Variants in ATP8B1 observed in about 807,000 individuals in gnomAD.
ATP8B1 encodes phospholipid-transporting ATPase IC.
ATP8B1 carries 80 observed loss-of-function variants against 149.9 expected under a neutral mutation model. The observed-to-expected ratio is 0.53, with a 90% confidence interval of 0.45 to 0.64. The LOEUF is 0.64. Ranked by LOEUF, ATP8B1 falls within the 30% of genes least tolerant of loss-of-function variation. The pLI, the probability that ATP8B1 is intolerant of heterozygous loss-of-function variation, is 0.00. For missense variants in ATP8B1, 1,247 were observed against 1,552.6 expected (o/e 0.80, Z 3.31); for synonymous variants, 536 against 562.8 (o/e 0.95, Z 0.67).
intron 2 of ATP8B1, among the ~76,000 whole-genome samples, chr18:57,730,145 G>T (rs925788515): frequency 2.6e-5 from 4 of 151,710 alleles, no homozygotes; most frequent in Non-Finnish European, 5.9e-5. Context: ...TTGCAGAAAT[G>T]GGATTTCATG....
intron 1 of ATP8B1, among the ~76,000 whole-genome samples, chr18:57,769,220 A>G (rs2080245477): frequency 1.3e-5 from 2 of 152,184 alleles, no homozygotes; most frequent in Non-Finnish European, 2.9e-5. Context: ...CCTGGCCGCC[A>G]TTCCCTAGAG....
chr18:57,777,013 G>C (rs1368398326), intron 1 of ATP8B1, among the ~76,000 whole-genome samples: 1 of 145,042 alleles, frequency 6.9e-6, no homozygotes, highest in Non-Finnish European at 1.5e-5. Flanking sequence ...GGGTATCACT[G>C]TCGCCCAGGC....
chr18:57,662,040 A>C (rs1482880704), intron 21 of ATP8B1, among the ~76,000 whole-genome samples: 1 of 152,014 alleles, frequency 6.6e-6, no homozygotes, highest in African/African-American at 2.4e-5. Context: ...TTCAATGGAG[A>C]TGGGGTCTTG....
intron 15 of ATP8B1, among the ~76,000 whole-genome samples, chr18:57,683,456 G>A (rs319460): frequency 0.27 from 41,600 of 152,076 alleles, 6,535 homozygotes; most frequent in East Asian, 0.65. Context: ...AAACTGCATC[G>A]AAGGATTCTG....
chr18:57,698,393 G>T lies in ATP8B1; in HGVS notation c.555-526C>A, dbSNP rs759959481. On this transcript the variant is annotated intron_variant, in intron 6 of 27. Coordinates refer to ENST00000648908, the MANE Select transcript of ATP8B1 (RefSeq NM_001374385.1). Reference sequence around the variant, plus strand: ...GAGTCTTGCTCTGTTGCCCAGGCTGGAGTGCAGTGGCACGATCTCAGCTCA... The same window carrying T: ...GAGTCTTGCTCTGTTGCCCAGGCTGTAGTGCAGTGGCACGATCTCAGCTCA... Among the ~76,000 whole-genome samples, 217 of 152,078 alleles carry T rather than the reference G, an allele frequency of 1.4e-3. 1 individual carries two copies. Among genetic ancestry groups the T allele is most frequent in the African/African-American group, 4.6e-3 (192 of 41,454 alleles).
chr18:57,703,339 G>A (rs1243028614), intron 4 of ATP8B1, among the ~76,000 whole-genome samples: 1 of 152,172 alleles, frequency 6.6e-6, no homozygotes, highest in Non-Finnish European at 1.5e-5. Flanking sequence ...GGAGGCTGAG[G>A]CGGGTGGATC....
At chr18:57,764,340 T>TC in intron 1 of ATP8B1, among the ~76,000 whole-genome samples, 1 of 53,722 alleles carries the variant, frequency 1.9e-5, no homozygotes, top group Middle Eastern at 0.011. Context: ...TCTTTCTTTC[T>TC]TTTTCTTTCT....
chr18:57,695,428 G>T, intron 9 of ATP8B1, 22 bp downstream of exon 9: 1 of 1,604,380 alleles, frequency 6.2e-7, no homozygotes, highest in Non-Finnish European at 8.5e-7. Context: ...TTAAAGCAAA[G>T]TAAGACATGT....
In ATP8B1 at chr18:57,648,235, C is replaced by G. The variant is rs1169520141; in HGVS notation, c.*253G>C. On this transcript the variant is annotated 3_prime_UTR_variant, in exon 28 of 28. Transcript: ENST00000648908. ...TCCTGGCCTCAGGTGATCTCCCCTC[C>G]TCAGCCTCCTAAAGTGCTGGGATTA... is the stretch of plus-strand genomic sequence containing the variant. The G allele has an allele frequency of 1.0e-5, 6 of 576,984 alleles. No individual in the cohort carries two copies. The highest frequency in any genetic ancestry group is 1.2e-5 in the Non-Finnish European group (4 of 321,882). The allele number at this position is 576,984 out of a possible 1,614,324, so 35.7% of individuals were successfully genotyped here. A position where few individuals can be genotyped will look rare whatever the true frequency, so the allele number is the denominator to read the frequency against.
rs142549982 is a variant in ATP8B1 at position 57,745,197 on chromosome 18, A to T, written c.-25-13365T>A. On this transcript the variant is annotated intron_variant, in intron 1 of 27. Coordinates refer to ENST00000648908, the MANE Select transcript of ATP8B1 (RefSeq NM_001374385.1). Reference sequence around the variant, plus strand: ...GCTTTATGTACCCAAAACACTAAAGATATATTTGAAGCAATCACCTCATTT... The same window carrying T: ...GCTTTATGTACCCAAAACACTAAAGTTATATTTGAAGCAATCACCTCATTT... Among the ~76,000 whole-genome samples, 844 of 152,312 alleles carry T rather than the reference A, an allele frequency of 5.5e-3. 5 individuals are homozygous for T. Among genetic ancestry groups the T allele is most frequent in the Non-Finnish European group, 8.1e-3 (553 of 68,032 alleles).
intron 12 of ATP8B1, among the ~76,000 whole-genome samples, chr18:57,691,077 A>C (rs1912502889): frequency 6.6e-6 from 1 of 150,848 alleles, no homozygotes; most frequent in Non-Finnish European, 1.5e-5. Flanking sequence ...CAGGAGGCTG[A>C]GGCAGGAGAA....
At chr18:57,703,874 G>A (rs879480057) in intron 4 of ATP8B1, among the ~76,000 whole-genome samples, 2 of 152,074 alleles carry the variant, frequency 1.3e-5, no homozygotes. Context: ...TGATCTTTTT[G>A]GGGGGGAAAT....
intron 1 of ATP8B1, among the ~76,000 whole-genome samples, chr18:57,749,501 T>A (rs886291977): frequency 6.6e-6 from 1 of 152,188 alleles, no homozygotes; most frequent in Non-Finnish European, 1.5e-5. Flanking sequence ...TATTTATAAC[T>A]TTTACTCAAT....
chr18:57,729,549 C>CTTTTTTTTTTTTTTTTTTTTT (rs71171074), intron 2 of ATP8B1, among the ~76,000 whole-genome samples: 48 of 120,716 alleles, frequency 4.0e-4, no homozygotes, highest in East Asian at 5.5e-4. Flanking sequence ...TTCTTTCTTT[C>CTTTTTTTTTTTTTTTTTTTTT]TTTTTTTTTT....
At chr18:57,658,702 G>A (rs1910184611) in intron 22 of ATP8B1, among the ~76,000 whole-genome samples, 1 of 150,618 alleles carries the variant, frequency 6.6e-6, no homozygotes, top group African/African-American at 2.4e-5. Flanking sequence ...GTCTTGCTCT[G>A]TCACCCAGGG....
chr18:57,787,611 CTTCT>C (rs763962283), intron 1 of ATP8B1, among the ~76,000 whole-genome samples: 1 of 152,166 alleles, frequency 6.6e-6, no homozygotes, highest in Non-Finnish European at 1.5e-5. Flanking sequence ...GTAATTTTGG[CTTCT>C]TTGTCATGAG....
chr18:57,785,442 A>G (rs1429760185), intron 1 of ATP8B1, among the ~76,000 whole-genome samples: 1 of 152,248 alleles, frequency 6.6e-6, no homozygotes, highest in African/African-American at 2.4e-5. Flanking sequence ...TATGGCAGTA[A>G]GTATCAAAAG....
chr18:57,743,835 C>T (rs1320350736), intron 1 of ATP8B1, among the ~76,000 whole-genome samples: 5 of 152,176 alleles, frequency 3.3e-5, no homozygotes, highest in African/African-American at 9.7e-5. Context: ...CAGCACTCAT[C>T]TGACAGGGGG....
At chr18:57,753,978 C>T (rs1599195726) in intron 1 of ATP8B1, among the ~76,000 whole-genome samples, 1 of 130,020 alleles carries the variant, frequency 7.7e-6, no homozygotes, top group South Asian at 2.6e-4. Flanking sequence ...AAAAAAGATA[C>T]ATCTGAATAT....
Sources: allele counts gnomAD v4.1 joint callset (sites outside exome capture counted in the v4.1 genomes callset), GRCh38; gene constraint gnomAD v4.1.1; transcripts MANE v1.5; gene names NCBI Gene and HGNC (gene_info 2026-07-23, HGNC 2026-07-21).